Variants in GPC6 observed in about 807,000 individuals in gnomAD.
GPC6 encodes the protein glypican 6.
Under a neutral mutation model 55.2 loss-of-function variants are expected in GPC6, and 14 were observed. The ratio of observed to expected loss-of-function variants is 0.25; its 90% CI spans 0.17 to 0.40. The LOEUF (loss-of-function observed/expected upper bound fraction) is 0.40, where lower values mean the gene tolerates loss of function less well. GPC6 is among the 10% of genes least tolerant of loss of function. GPC6 has a pLI of 1.00. For synonymous variants in GPC6, 278 were observed against 259.6 expected (o/e 1.07, Z -0.68); for missense variants, 641 against 708.5 (o/e 0.90, Z 1.08).
At chr13:93,584,084 A>C (rs79937918) in intron 2 of GPC6, among the ~76,000 whole-genome samples, 1,753 of 152,254 alleles carry the variant, frequency 0.012, 36 homozygotes, top group African/African-American at 0.04. Context: ...CAGGAGTTCT[A>C]TTAGGAAAGG....
intron 4 of GPC6, among the ~76,000 whole-genome samples, chr13:94,060,380 G>A (rs1307590912): frequency 6.6e-6 from 1 of 152,090 alleles, no homozygotes; most frequent in East Asian, 1.9e-4. Context: ...TAAACCCCAG[G>A]TGCCTAAAAC....
intron 4 of GPC6, among the ~76,000 whole-genome samples, chr13:94,104,344 C>T (rs1250824616): frequency 6.6e-6 from 1 of 152,072 alleles, no homozygotes; most frequent in African/African-American, 2.4e-5. Flanking sequence ...CTATATATGA[C>T]AAACCCACAG....
intron 2 of GPC6, among the ~76,000 whole-genome samples, chr13:93,750,090 G>A (rs1884526352): frequency 6.6e-6 from 1 of 152,174 alleles, no homozygotes; most frequent in Admixed American, 6.5e-5. Context: ...AGAGAAAACT[G>A]TATCTGGGAA....
At chr13:93,583,427 T>TA (rs1877036468) in intron 2 of GPC6, among the ~76,000 whole-genome samples, 2 of 151,780 alleles carry the variant, frequency 1.3e-5, no homozygotes, top group South Asian at 4.2e-4. Flanking sequence ...TATTTTATTT[T>TA]TTTTCTTTGA....
At chr13:93,985,156 C>T (rs1229007100) in intron 3 of GPC6, among the ~76,000 whole-genome samples, 1 of 152,110 alleles carries the variant, frequency 6.6e-6, no homozygotes, top group Non-Finnish European at 1.5e-5. Flanking sequence ...AGGCCAGGGC[C>T]AGGCGCAGGG....
At chr13:93,536,677 A>G (rs529732946) in intron 1 of GPC6, among the ~76,000 whole-genome samples, 2 of 152,128 alleles carry the variant, frequency 1.3e-5, no homozygotes, top group Non-Finnish European at 1.5e-5. Flanking sequence ...AATGCTGCCA[A>G]CCCCATAGCT....
At chr13:94,258,346 G>A (rs886778803) in intron 4 of GPC6, among the ~76,000 whole-genome samples, 2 of 152,120 alleles carry the variant, frequency 1.3e-5, no homozygotes, top group African/African-American at 4.8e-5. Flanking sequence ...GTGCTCTTTG[G>A]CCATAGCTAT....
rs75806342 is a variant in GPC6, at chr13:93,794,179, T to C, written c.320-35975T>C. Among the ~76,000 whole-genome samples the C allele has an allele frequency of 3.3e-5, 5 of 152,352 alleles. No homozygotes were observed. In the East Asian group the frequency reaches 7.7e-4, roughly 24 times the overall value. On this transcript the variant is annotated intron_variant, in intron 2 of 8. Transcript: ENST00000377047. ...TTATGATGGATTTTATGATAGTACA[T>C]GGTTCAAAGAGAAATAGCATTTTTT...
At chr13:94,309,595 A>G (rs527585859) in intron 6 of GPC6, among the ~76,000 whole-genome samples, 27 of 151,970 alleles carry the variant, frequency 1.8e-4, no homozygotes, top group Admixed American at 4.6e-4. Context: ...TTATATACAC[A>G]TAAGAAGCAG....
intron 4 of GPC6, among the ~76,000 whole-genome samples, chr13:94,074,762 G>C (rs1453503620): frequency 1.3e-5 from 2 of 152,152 alleles, no homozygotes; most frequent in Non-Finnish European, 2.9e-5. Context: ...TGCCTTGTAG[G>C]AAGATGATCT....
chr13:93,281,964 G>C (rs1314748264), intron 1 of GPC6, among the ~76,000 whole-genome samples: 2 of 152,254 alleles, frequency 1.3e-5, no homozygotes, highest in African/African-American at 4.8e-5. Context: ...GACGCTGATG[G>C]AAAGGTAAAA....
chr13:93,490,830 C>T (rs1461336612), intron 1 of GPC6, among the ~76,000 whole-genome samples: 2 of 100,486 alleles, frequency 2.0e-5, no homozygotes, highest in South Asian at 8.1e-4. Context: ...TCATCCATGT[C>T]CCTACAAAGG....
chr13:94,128,630 G>T, intron 4 of GPC6, among the ~76,000 whole-genome samples: 1 of 152,130 alleles, frequency 6.6e-6, no homozygotes, highest in East Asian at 1.9e-4. Context: ...GGAAGTGACA[G>T]AGTGTTACAA....
At chr13:94,377,570 A>G (rs1296023962) in intron 6 of GPC6, among the ~76,000 whole-genome samples, 1 of 149,244 alleles carries the variant, frequency 6.7e-6, no homozygotes, top group Non-Finnish European at 1.5e-5. Context: ...GGATGTGGAG[A>G]AATAGGAACA....
chr13:93,450,880 G>A (rs1466000598), intron 1 of GPC6: 2 of 183,688 alleles, frequency 1.1e-5, no homozygotes, highest in Non-Finnish European at 2.1e-5. Flanking sequence ...AATTTGTCAT[G>A]GAAAAATAGA....
chr13:94,246,733 T>C (rs1213552427), intron 4 of GPC6, among the ~76,000 whole-genome samples: 1 of 152,106 alleles, frequency 6.6e-6, no homozygotes, highest in Non-Finnish European at 1.5e-5. Flanking sequence ...TGTTTTCATG[T>C]CAGTGCCATA....
intron 4 of GPC6, among the ~76,000 whole-genome samples, chr13:94,104,012 T>G (rs1885963912): frequency 6.6e-6 from 1 of 152,230 alleles, no homozygotes; most frequent in Non-Finnish European, 1.5e-5. Context: ...TTTTTATGGT[T>G]TTAGGTCTAA....
intron 6 of GPC6, among the ~76,000 whole-genome samples, chr13:94,328,425 G>A (rs971198336): frequency 1.3e-5 from 2 of 152,158 alleles, no homozygotes; most frequent in African/African-American, 4.8e-5. Context: ...TCACCCTAAA[G>A]TGAGGTTTCC....
At chr13:93,466,746 C>T (rs142528591) in intron 1 of GPC6, among the ~76,000 whole-genome samples, 2 of 152,032 alleles carry the variant, frequency 1.3e-5, no homozygotes, top group African/African-American at 2.4e-5. Flanking sequence ...TGAAAGATTA[C>T]GAAAGACAAA....
Sources: gnomAD v4.1 joint callset for allele counts (sites outside exome capture counted in the v4.1 genomes callset) on GRCh38, gnomAD v4.1.1 for gene constraint, MANE v1.5 for transcripts, NCBI Gene and HGNC (gene_info 2026-07-23, HGNC 2026-07-21) for gene names.